Variants in KIAA1328 observed in about 807,000 individuals in gnomAD.
The protein encoded by KIAA1328 is KIAA1328.
In KIAA1328, 52 loss-of-function variants were observed where a neutral mutation model predicts 68.1. The observed-to-expected ratio is 0.76, with a 90% CI of 0.61 to 0.96. KIAA1328 has a LOEUF of 0.96. KIAA1328 is among the 40% of genes least tolerant of loss of function. KIAA1328 has a pLI of 0.00. For synonymous variants in KIAA1328, 232 were observed against 239.4 expected (o/e 0.97, Z 0.28); for missense variants, 641 against 677.6 (o/e 0.95, Z 0.60).
chr18:37,105,590 C>G (rs1240762918), intron 7 of KIAA1328, among the ~76,000 whole-genome samples: 2 of 149,138 alleles, frequency 1.3e-5, no homozygotes, highest in African/African-American at 4.9e-5. Context: ...GAGGCATTTT[C>G]AAGGATTGGA....
At chr18:36,928,545 G>A (rs1045634347) in intron 5 of KIAA1328, among the ~76,000 whole-genome samples, 5 of 152,180 alleles carry the variant, frequency 3.3e-5, no homozygotes, top group African/African-American at 1.2e-4. Context: ...TCTCACAAAT[G>A]TGAAATATTG....
chr18:36,972,829 AGG>A (rs2151326654), intron 6 of KIAA1328, among the ~76,000 whole-genome samples: 1 of 152,236 alleles, frequency 6.6e-6, no homozygotes, highest in African/African-American at 2.4e-5. Context: ...AATATACCTG[AGG>A]GCCATTGGTG....
intron 5 of KIAA1328, among the ~76,000 whole-genome samples, chr18:36,899,885 C>A (rs1371431634): frequency 6.6e-6 from 1 of 151,790 alleles, no homozygotes; most frequent in East Asian, 1.9e-4. Context: ...TTCTTAATAT[C>A]TTGTATTAAT....
intron 3 of KIAA1328, among the ~76,000 whole-genome samples, chr18:36,842,149 C>G (rs1432977362): frequency 6.6e-6 from 1 of 152,116 alleles, no homozygotes; most frequent in Non-Finnish European, 1.5e-5. Context: ...ATCTCTAGAA[C>G]TGGATGAGAG....
At chr18:37,227,286 G>A (rs2060645155), downstream of KIAA1328, among the ~76,000 whole-genome samples, 1 of 152,170 alleles carries the variant, frequency 6.6e-6, no homozygotes, top group South Asian at 2.1e-4. Context: ...TATTTATCTG[G>A]AAGATCTACC....
rs972506011 is a variant in KIAA1328 at position 36,852,010 on chromosome 18, CT to C, written c.332+7709del. Among the ~76,000 whole-genome samples the C allele has an allele frequency of 2.6e-5, 4 of 152,026 alleles. 1 individual carries two copies. Among genetic ancestry groups the C allele is most frequent in the South Asian group, 4.1e-4 (2 of 4,832 alleles). Reference sequence around the variant, plus strand: ...GTTTTCATTCATTTCAAGATACTTTCTAATTTTCTTTGTGATTTCTTCTTTG... The same window carrying C: ...GTTTTCATTCATTTCAAGATACTTTCAATTTTCTTTGTGATTTCTTCTTTG... On this transcript the variant is annotated intron_variant, in intron 4 of 9. Coordinates refer to ENST00000280020, the MANE Select transcript of KIAA1328 (RefSeq NM_020776.3).
intron 6 of KIAA1328, among the ~76,000 whole-genome samples, chr18:37,026,956 T>C (rs1251050586): frequency 1.3e-5 from 2 of 152,198 alleles, no homozygotes; most frequent in South Asian, 2.1e-4. Context: ...GATGACATGA[T>C]TGTATATCTA....
rs1486086071 is a variant in KIAA1328, at chr18:36,885,639, G to A, written c.415G>A (p.Glu139Lys). The change falls in exon 5 of 10, where the codon GAA becomes AAA. Residue 139 changes from glutamate (E) to lysine (K), a missense_variant. Glu to Lys is a moderately conservative substitution (Grantham distance 56). Transcript: ENST00000280020. Reference protein sequence around the residue: ...SFEKKIRQLEEQNELIIKERE... With the variant: ...SFEKKIRQLEKQNELIIKERE... ...TGAGAAGAAGATCAGGCAGTTGGAA[G>A]AACAGAATGAACTGATCATCAAAGA... The A allele has an allele frequency of 5.6e-6, 9 of 1,594,996 alleles. No homozygotes were observed. Among genetic ancestry groups the A allele is most frequent in the Non-Finnish European group, 6.0e-6 (7 of 1,169,720 alleles).
At chr18:37,081,989 G>A (rs1330159823) in intron 7 of KIAA1328, among the ~76,000 whole-genome samples, 22 of 151,896 alleles carry the variant, frequency 1.4e-4, no homozygotes, top group Admixed American at 1.4e-3. Context: ...CATTCTCCTT[G>A]TCTGAGCACA....
intron 7 of KIAA1328, among the ~76,000 whole-genome samples, chr18:37,132,801 A>G (rs2058553350): frequency 6.6e-6 from 1 of 152,210 alleles, no homozygotes; most frequent in Non-Finnish European, 1.5e-5. Context: ...GAATGCTCAT[A>G]GCAACTTTAT....
chr18:37,163,585 A>G (rs1021555953), intron 8 of KIAA1328, among the ~76,000 whole-genome samples: 1 of 152,148 alleles, frequency 6.6e-6, no homozygotes, highest in African/African-American at 2.4e-5. Context: ...TGATTATTCT[A>G]GACTCAAGTA....
At chr18:37,070,437 A>G (rs947889556) in intron 7 of KIAA1328, among the ~76,000 whole-genome samples, 5 of 151,774 alleles carry the variant, frequency 3.3e-5, no homozygotes, top group Non-Finnish European at 4.4e-5. Context: ...TGATATATCT[A>G]TTTTTCCTAT....
chr18:37,128,433 A>T (rs1194812320), intron 7 of KIAA1328, among the ~76,000 whole-genome samples: 1 of 152,192 alleles, frequency 6.6e-6, no homozygotes, highest in Non-Finnish European at 1.5e-5. Flanking sequence ...AGATCATGCC[A>T]CTGCACTCCA....
intron 6 of KIAA1328, among the ~76,000 whole-genome samples, chr18:37,042,740 C>A (rs143222521): frequency 4.7e-5 from 7 of 149,850 alleles, no homozygotes; most frequent in East Asian, 2.0e-4. Flanking sequence ...ATCCTACTTA[C>A]AATTTGTTGA....
chr18:36,851,393 A>G (rs2047206566), intron 4 of KIAA1328, among the ~76,000 whole-genome samples: 1 of 152,026 alleles, frequency 6.6e-6, no homozygotes. Flanking sequence ...TGTTCATTCT[A>G]AGTGTTTGGT....
chr18:37,047,918 T>G (rs888077070), intron 6 of KIAA1328, among the ~76,000 whole-genome samples: 21 of 152,188 alleles, frequency 1.4e-4, no homozygotes, highest in African/African-American at 4.8e-4. Context: ...GATAAAATTT[T>G]AAAGAGGGAG....
chr18:36,901,150 C>T (rs1008771045), intron 5 of KIAA1328, among the ~76,000 whole-genome samples: 2 of 151,888 alleles, frequency 1.3e-5, no homozygotes, highest in Non-Finnish European at 2.9e-5. Flanking sequence ...TTGAATATGT[C>T]GGGCCACAGT....
chr18:36,867,366 G>T (rs946934043), intron 4 of KIAA1328, among the ~76,000 whole-genome samples: 1 of 152,132 alleles, frequency 6.6e-6, no homozygotes, highest in Non-Finnish European at 1.5e-5. Context: ...GCTTTCTGAG[G>T]CCTCCCCAGA....
At chr18:36,981,041 G>A (rs2052663917) in intron 6 of KIAA1328, among the ~76,000 whole-genome samples, 1 of 152,144 alleles carries the variant, frequency 6.6e-6, no homozygotes, top group Admixed American at 6.5e-5. Context: ...AACTTAATTG[G>A]TGAGGAACAA....
Sources: allele counts gnomAD v4.1 joint callset (sites outside exome capture counted in the v4.1 genomes callset), GRCh38; gene constraint gnomAD v4.1.1; transcripts MANE v1.5; gene names NCBI Gene and HGNC (gene_info 2026-07-23, HGNC 2026-07-21).